MYO1E: variants seen among roughly 807,000 people sequenced by gnomAD.
The protein encoded by MYO1E is myosin IE, also known as unconventional myosin-Ie.
MYO1E carries 68 observed loss-of-function variants against 151.1 expected under a neutral mutation model. The ratio of observed to expected loss-of-function variants is 0.45; its 90% confidence interval spans 0.37 to 0.55. The LOEUF (loss-of-function observed/expected upper bound fraction) is 0.55. Among genes scored for constraint, MYO1E ranks in the 20% least tolerant of loss-of-function variants. The probability of loss-of-function intolerance (pLI) is 0.00; values close to 1 mark genes in which losing one functional copy is unlikely to be tolerated. For missense variants in MYO1E, 1,363 were observed against 1,389.3 expected, an observed-to-expected ratio of 0.98 and a Z score of 0.30; for synonymous variants, 601 against 501.7, an observed-to-expected ratio of 1.20 and a Z score of -2.64.
Position 59,350,196 on chromosome 15 carries a change from A to C in MYO1E, c.3+22302T>G, listed in dbSNP as rs1373910507. On this transcript the variant is annotated intron_variant, in intron 1 of 27. Coordinates refer to ENST00000288235, the MANE Select transcript of MYO1E (RefSeq NM_004998.4). The surrounding 1 kb of genome is among the most constrained non-coding windows in gnomAD (Gnocchi z 5.0). Reference sequence around the variant, plus strand: ...TAAGTAATTTGTTCTACTCAGTTCCAGGAAACAATGTGGGGAGGAGGGCCT... The same window carrying C: ...TAAGTAATTTGTTCTACTCAGTTCCCGGAAACAATGTGGGGAGGAGGGCCT... Among the ~76,000 whole-genome samples the C allele has an allele frequency of 6.6e-6, 1 of 152,278 alleles. No homozygotes were observed. Among genetic ancestry groups the C allele is most frequent in the African/African-American group, 2.4e-5 (1 of 41,478 alleles).
chr15:59,187,969 T>A (rs527749941), intron 18 of MYO1E, 149 bp downstream of exon 18: 1 of 699,486 alleles, frequency 1.4e-6, no homozygotes, highest in African/African-American at 1.8e-5. Flanking sequence ...TAAGAAAATG[T>A]CCTAAAATTA....
chr15:59,308,032 C>A (rs1450564947), intron 1 of MYO1E, among the ~76,000 whole-genome samples: 1 of 149,704 alleles, frequency 6.7e-6, no homozygotes. Flanking sequence ...TCCTGGCCAA[C>A]ATGGTGAAAC....
chr15:59,161,197 G>T lies in MYO1E; in HGVS notation c.2661C>A (p.Gly887=), dbSNP rs1467990248. 1.2e-6 allele frequency: 2 copies of T among 1,613,924 alleles called. No homozygotes were observed. The change falls in exon 24 of 28, where the codon GGC becomes GGA. Residue 887 remains glycine, a synonymous_variant. Transcript: ENST00000288235. ...LELKLKKENW[G]PWSAGGSRQV... ...GCCGGGAGCCCCCTGCACTCCAGGG[G>T]CCCCAGTTTTCCTTTTTCAACTTCA...
intron 25 of MYO1E, 53 bp from the exon 26 acceptor site, chr15:59,153,844 C>T (rs2079495539): frequency 2.0e-6 from 3 of 1,518,966 alleles, no homozygotes; most frequent in Non-Finnish European, 2.7e-6. Flanking sequence ...GATCCTTTGC[C>T]AAAAGTCTCT....
At chr15:59,364,253 C>T (rs942889308) in intron 1 of MYO1E, among the ~76,000 whole-genome samples, 2 of 152,198 alleles carry the variant, frequency 1.3e-5, no homozygotes, top group East Asian at 1.9e-4. Flanking sequence ...TGAGTGTCAA[C>T]GCCAGAATCC....
At chr15:59,221,092 C>T (rs534507008) in intron 9 of MYO1E, among the ~76,000 whole-genome samples, 24 of 149,124 alleles carry the variant, frequency 1.6e-4, no homozygotes, top group South Asian at 1.1e-3. Context: ...GAGACTCGCT[C>T]GTTGCCCAGG....
intron 1 of MYO1E, among the ~76,000 whole-genome samples, chr15:59,324,640 C>G (rs955955871): frequency 1.2e-4 from 15 of 121,020 alleles, no homozygotes; most frequent in Non-Finnish European, 2.6e-4. Context: ...AGCTGTGTCT[C>G]GCCGTATTTA....
chr15:59,346,773 T>C (rs1267834345), intron 1 of MYO1E, among the ~76,000 whole-genome samples: 1 of 151,850 alleles, frequency 6.6e-6, no homozygotes, highest in Non-Finnish European at 1.5e-5. Context: ...TAAAATTAGC[T>C]GGGCATGAAG....
chr15:59,334,830 A>T (rs2080718864), intron 1 of MYO1E, among the ~76,000 whole-genome samples: 2 of 152,182 alleles, frequency 1.3e-5, no homozygotes, highest in Non-Finnish European at 2.9e-5. Context: ...TTCCACACTG[A>T]CTACAAGAAT....
chr15:59,330,923 T>C (rs947296577), intron 1 of MYO1E, among the ~76,000 whole-genome samples: 2 of 152,054 alleles, frequency 1.3e-5, no homozygotes, highest in Non-Finnish European at 2.9e-5. Flanking sequence ...GCATGCACCA[T>C]CACGCCCAGC....
chr15:59,281,884 A>G (rs144446616), intron 1 of MYO1E, among the ~76,000 whole-genome samples: 1 of 152,064 alleles, frequency 6.6e-6, no homozygotes, highest in Non-Finnish European at 1.5e-5. Context: ...GGATTGCTTG[A>G]GCCCAGGAGT....
Position 59,207,193 on chromosome 15 carries a change from G to A in MYO1E, c.1530+1488C>T, listed in dbSNP as rs147524188. 1.1e-4 allele frequency: 176 copies of A among 1,614,202 alleles called. No individual in the cohort carries two copies. The highest frequency in any genetic ancestry group is 8.2e-4 in the South Asian group (75 of 91,082). On this transcript the variant is annotated intron_variant, in intron 14 of 27. Transcript: ENST00000288235. Reference sequence around the variant, plus strand: ...AACTGGATCGGTGGGCATGGCCTGCGCTATCAGCATCTTATTAAAAGGCTT... The same window carrying A: ...AACTGGATCGGTGGGCATGGCCTGCACTATCAGCATCTTATTAAAAGGCTT...
At chr15:59,313,698 T>C (rs1251842474) in intron 1 of MYO1E, among the ~76,000 whole-genome samples, 3 of 152,236 alleles carry the variant, frequency 2.0e-5, no homozygotes, top group Non-Finnish European at 2.9e-5. Context: ...GTGTTGGCTC[T>C]GTAGCCCCTT....
At chr15:59,317,742 TA>T (rs1265399794) in intron 1 of MYO1E, among the ~76,000 whole-genome samples, 1 of 152,144 alleles carries the variant, frequency 6.6e-6, no homozygotes, top group Admixed American at 6.5e-5. Context: ...TGTCAGGGCC[TA>T]GGGGTGCTAA....
rs79487701 is a variant in MYO1E at position 59,259,748 on chromosome 15, C to T, written c.237+1672G>A. 4.1e-3 allele frequency among the ~76,000 whole-genome samples: 621 copies of T among 152,302 alleles called. 9 individuals are homozygous for T. The highest frequency in any genetic ancestry group is 0.03 in the Admixed American group (456 of 15,292). ...CATGTCACTCTATATTTTCCAAACT[C>T]GTTTCCTATCTGTGGTCTTACTGAA... is the stretch of plus-strand genomic sequence containing the variant. On this transcript the variant is annotated intron_variant, in intron 3 of 27. Coordinates refer to ENST00000288235, the MANE Select transcript of MYO1E (RefSeq NM_004998.4).
chr15:59,252,532 TG>T (rs1233261929), intron 4 of MYO1E, among the ~76,000 whole-genome samples: 3 of 152,100 alleles, frequency 2.0e-5, no homozygotes, highest in Non-Finnish European at 4.4e-5. Context: ...CTGGCCAACA[TG>T]GGGAAACCCC....
intron 18 of MYO1E, among the ~76,000 whole-genome samples, chr15:59,186,164 C>A (rs1409276294): frequency 6.6e-6 from 1 of 152,094 alleles, no homozygotes; most frequent in Admixed American, 6.6e-5. Flanking sequence ...AGAGGGTAAA[C>A]CTTGTTCCTA....
chr15:59,309,733 T>G (rs1452385365), intron 1 of MYO1E, among the ~76,000 whole-genome samples: 1 of 152,250 alleles, frequency 6.6e-6, no homozygotes, highest in Admixed American at 6.5e-5. Context: ...TCACATGCAT[T>G]TCTAAGGTTG....
At chr15:59,218,922 G>A (rs749537832) in intron 9 of MYO1E, among the ~76,000 whole-genome samples, 4 of 152,194 alleles carry the variant, frequency 2.6e-5, no homozygotes, top group Non-Finnish European at 5.9e-5. Context: ...GGCTACAGGT[G>A]AAAGTTCAGG....
Sources: allele counts gnomAD v4.1 joint callset (sites outside exome capture counted in the v4.1 genomes callset), GRCh38; gene constraint gnomAD v4.1.1; non-coding constraint Gnocchi (gnomAD v3.1); transcripts MANE v1.5; gene names NCBI Gene and HGNC (gene_info 2026-07-23, HGNC 2026-07-21).